COMMD10: variants seen among roughly 807,000 people sequenced by gnomAD.
COMMD10 encodes the protein COMM domain containing 10, also known as COMM domain-containing protein 10.
A neutral mutation model predicts 28.9 loss-of-function variants in COMMD10; 33 were observed. The ratio of observed to expected loss-of-function variants is 1.14; its 90% CI spans 0.87 to 1.53. The LOEUF is 1.53. Among genes scored for constraint, COMMD10 ranks in the 40% most tolerant of loss-of-function variants. The pLI, the probability that COMMD10 is intolerant of heterozygous loss-of-function variation, is 0.00. For missense variants in COMMD10, 310 were observed against 233.4 expected, an observed-to-expected ratio of 1.33 and a Z score of -2.14; for synonymous variants, 110 against 81.7, an observed-to-expected ratio of 1.35 and a Z score of -1.87.
At chr5:116,113,026 C>T (rs1344553786) in intron 4 of COMMD10, among the ~76,000 whole-genome samples, 1 of 152,084 alleles carries the variant, frequency 6.6e-6, no homozygotes, top group Admixed American at 6.6e-5. Flanking sequence ...CATGAATTCC[C>T]TCAGTATTTG....
At chr5:116,162,734 T>C (rs1752957814) in intron 5 of COMMD10, among the ~76,000 whole-genome samples, 1 of 152,216 alleles carries the variant, frequency 6.6e-6, no homozygotes, top group South Asian at 2.1e-4. Context: ...TGGTCAATTT[T>C]GTGAGATTAA....
intron 4 of COMMD10, among the ~76,000 whole-genome samples, chr5:116,118,932 T>C (rs78562801): frequency 0.029 from 4,470 of 152,340 alleles, 84 homozygotes; most frequent in Non-Finnish European, 0.039. Context: ...GCCAGGGAAC[T>C]GTGCTGTTAG....
chr5:116,192,026 G>A (rs182980047), intron 5 of COMMD10, among the ~76,000 whole-genome samples: 37 of 151,826 alleles, frequency 2.4e-4, no homozygotes, highest in Middle Eastern at 3.4e-3. Context: ...GCCTGGAGCC[G>A]GGTAGACTCG....
intron 4 of COMMD10, among the ~76,000 whole-genome samples, chr5:116,122,950 C>T (rs1025817013): frequency 6.6e-6 from 1 of 151,950 alleles, no homozygotes; most frequent in African/African-American, 2.4e-5. Flanking sequence ...TCCTCTTTTC[C>T]TAACTGAATA....
chr5:116,249,602 T>A (rs190935241), intron 5 of COMMD10, among the ~76,000 whole-genome samples: 2 of 151,914 alleles, frequency 1.3e-5, no homozygotes, highest in Non-Finnish European at 2.9e-5. Flanking sequence ...CTACACCTTA[T>A]GGGTTACAAA....
intron 4 of COMMD10, among the ~76,000 whole-genome samples, chr5:116,105,536 C>T (rs11959844): frequency 0.22 from 34,052 of 152,106 alleles, 4,723 homozygotes; most frequent in African/African-American, 0.38. Context: ...AGGAATGGTA[C>T]CAGCTTCTCT....
Position 116,227,596 on chromosome 5 carries a change from A to G in COMMD10, c.511-63921A>G, listed in dbSNP as rs569665552. ...CCACTATTACCTGTGGGGGTTATGG[A>G]ACATGTCCAGAAATACTAAGGCTGC... On this transcript the variant is annotated intron_variant, in intron 5 of 6. Transcript: ENST00000274458. 1.3e-3 allele frequency among the ~76,000 whole-genome samples: 198 copies of G among 152,184 alleles called. 2 individuals are homozygous for G. The highest frequency in any genetic ancestry group is 4.5e-3 in the African/African-American group (185 of 41,536).
intron 5 of COMMD10, among the ~76,000 whole-genome samples, chr5:116,244,267 C>A (rs1303787095): frequency 6.6e-6 from 1 of 151,834 alleles, no homozygotes; most frequent in African/African-American, 2.4e-5. Flanking sequence ...GTAATTGATT[C>A]CCACTGGACA....
chr5:116,259,062 A>ATTTTTT (rs36082006), intron 5 of COMMD10, among the ~76,000 whole-genome samples: 1 of 123,620 alleles, frequency 8.1e-6, no homozygotes, highest in Non-Finnish European at 1.7e-5. Flanking sequence ...ACGTCCTTTA[A>ATTTTTT]TTTTTTTTTT....
At chr5:116,290,214 A>G (rs1169831484) in intron 5 of COMMD10, among the ~76,000 whole-genome samples, 1 of 151,896 alleles carries the variant, frequency 6.6e-6, no homozygotes, top group Non-Finnish European at 1.5e-5. Flanking sequence ...AGGAGGGCAT[A>G]TACTATGTAT....
chr5:116,154,200 TG>T (rs1210577456), intron 5 of COMMD10, among the ~76,000 whole-genome samples: 2 of 152,124 alleles, frequency 1.3e-5, no homozygotes, highest in African/African-American at 4.8e-5. Context: ...GAGTTAGGCT[TG>T]GGAAGCATAA....
chr5:116,101,035 C>T (rs1204177759), intron 4 of COMMD10, among the ~76,000 whole-genome samples: 1 of 152,160 alleles, frequency 6.6e-6, no homozygotes, highest in African/African-American at 2.4e-5. Flanking sequence ...AAGATAATGG[C>T]CTCCAGTTTC....
intron 4 of COMMD10, among the ~76,000 whole-genome samples, chr5:116,132,181 T>C (rs547478086): frequency 1.3e-5 from 2 of 152,188 alleles, no homozygotes; most frequent in South Asian, 4.1e-4. Context: ...TTGAAAAATA[T>C]TTAGAAGATA....
intron 5 of COMMD10, among the ~76,000 whole-genome samples, chr5:116,268,821 A>G (rs971073138): frequency 4.6e-5 from 7 of 151,826 alleles, no homozygotes; most frequent in African/African-American, 1.7e-4. Flanking sequence ...GCTGGAAACC[A>G]TCATTCTCAG....
chr5:116,177,118 C>A (rs1385002409), intron 5 of COMMD10, among the ~76,000 whole-genome samples: 1 of 152,122 alleles, frequency 6.6e-6, no homozygotes, highest in South Asian at 2.1e-4. Context: ...GTAGCATGTT[C>A]TAGATCACGT....
chr5:116,274,012 G>T (rs1035167081), intron 5 of COMMD10, among the ~76,000 whole-genome samples: 3 of 151,640 alleles, frequency 2.0e-5, no homozygotes, highest in African/African-American at 7.3e-5. Flanking sequence ...TATGAGCTAA[G>T]TGATGTATTT....
At chr5:116,216,180 C>A (rs1749096969) in intron 5 of COMMD10, among the ~76,000 whole-genome samples, 1 of 152,100 alleles carries the variant, frequency 6.6e-6, no homozygotes, top group Non-Finnish European at 1.5e-5. Flanking sequence ...TAAGGAAATC[C>A]TGTTTTTAAA....
At chr5:116,125,305 A>G (rs528080940) in intron 4 of COMMD10, among the ~76,000 whole-genome samples, 162 of 152,272 alleles carry the variant, frequency 1.1e-3, no homozygotes, top group Non-Finnish European at 1.9e-3. Context: ...TCCTTCACAT[A>G]TGAAGTTTAT....
intron 4 of COMMD10, among the ~76,000 whole-genome samples, chr5:116,130,906 T>G (rs1156452480): frequency 6.6e-6 from 1 of 152,066 alleles, no homozygotes; most frequent in Non-Finnish European, 1.5e-5. Context: ...GCAATTTTGT[T>G]TGTAGTTTTA....
Sources: allele counts gnomAD v4.1 joint callset (sites outside exome capture counted in the v4.1 genomes callset), GRCh38; gene constraint gnomAD v4.1.1; transcripts MANE v1.5; gene names NCBI Gene and HGNC (gene_info 2026-07-23, HGNC 2026-07-21).